Variants in CDK5RAP2 observed in about 807,000 individuals in gnomAD.
The protein encoded by CDK5RAP2 is CDK5 regulatory subunit-associated protein 2.
A neutral mutation model predicts 232.9 loss-of-function variants in CDK5RAP2; 147 were observed. That is an observed-to-expected ratio of 0.63 (90% confidence interval 0.55 to 0.72). The LOEUF is 0.72. Ranked by LOEUF, CDK5RAP2 falls within the 30% of genes least tolerant of loss-of-function variation. The probability of loss-of-function intolerance (pLI) is 0.00; values close to 1 mark genes in which losing one functional copy is unlikely to be tolerated. For synonymous variants in CDK5RAP2, 833 were observed against 833.7 expected, an observed-to-expected ratio of 1.00 and a Z score of 0.01; for missense variants, 2,195 against 2,231.5, an observed-to-expected ratio of 0.98 and a Z score of 0.33.
chr9:120,409,717 C>T (rs2033726544), intron 29 of CDK5RAP2, among the ~76,000 whole-genome samples: 1 of 152,240 alleles, frequency 6.6e-6, no homozygotes, highest in Non-Finnish European at 1.5e-5. Flanking sequence ...CACCTTGAGG[C>T]CCATTCACTC....
In CDK5RAP2 at chr9:120,470,876, A is replaced by G. The variant is rs140130932; in HGVS notation, c.1859-656T>C. ...ATCCACAAACAGTATCTCATTTAAC[A>G]CACACGTGTAAGAGCTGATACATCT... On this transcript the variant is annotated intron_variant, in intron 16 of 37. Transcript: ENST00000349780. 3.3e-3 allele frequency among the ~76,000 whole-genome samples: 510 copies of G among 152,314 alleles called. 2 individuals are homozygous for G. The highest frequency in any genetic ancestry group is 0.012 in the African/African-American group (481 of 41,576).
chr9:120,426,652 T>C (rs1013260531), intron 25 of CDK5RAP2, among the ~76,000 whole-genome samples: 1 of 152,196 alleles, frequency 6.6e-6, no homozygotes, highest in African/African-American at 2.4e-5. Context: ...AGCCAATCTC[T>C]TCAGGATCAG....
chr9:120,578,996 G>A (rs574057700), intron 1 of CDK5RAP2, among the ~76,000 whole-genome samples: 200 of 152,214 alleles, frequency 1.3e-3, no homozygotes, highest in African/African-American at 4.7e-3. Flanking sequence ...CTCCGTCAGG[G>A]CTCTCCTCCT....
At chr9:120,416,874 C>T (rs2034253854) in intron 27 of CDK5RAP2, among the ~76,000 whole-genome samples, 2 of 152,232 alleles carry the variant, frequency 1.3e-5, no homozygotes, top group Non-Finnish European at 2.9e-5. Context: ...AAAAGTAGCA[C>T]AGTGTTACAG....
At chr9:120,428,975 T>C (rs1276202766) in intron 25 of CDK5RAP2, among the ~76,000 whole-genome samples, 1 of 151,848 alleles carries the variant, frequency 6.6e-6, no homozygotes, top group Admixed American at 6.6e-5. Context: ...ATAAATGTAA[T>C]CCAGCATATA....
intron 25 of CDK5RAP2, among the ~76,000 whole-genome samples, chr9:120,430,947 T>G (rs1322014632): frequency 6.6e-6 from 1 of 152,094 alleles, no homozygotes; most frequent in Non-Finnish European, 1.5e-5. Flanking sequence ...AAATGATGAG[T>G]TCATGTCCTT....
chr9:120,518,240 A>C (rs991555181), intron 12 of CDK5RAP2, among the ~76,000 whole-genome samples, 187 bp downstream of exon 12: 15 of 148,202 alleles, frequency 1.0e-4, no homozygotes, highest in South Asian at 4.3e-4. Flanking sequence ...AGAGAGAGAG[A>C]GAGCGAGGAG....
At chr9:120,438,362 A>T (rs1263713984) in intron 24 of CDK5RAP2, among the ~76,000 whole-genome samples, 2 of 152,212 alleles carry the variant, frequency 1.3e-5, no homozygotes, top group Non-Finnish European at 2.9e-5. Flanking sequence ...ACAACACTAC[A>T]TGGGCTGGCA....
intron 5 of CDK5RAP2, 108 bp downstream of exon 5, chr9:120,545,606 C>T (rs2041808364): frequency 1.2e-6 from 1 of 857,366 alleles, no homozygotes. Context: ...CCTTGCAGTC[C>T]TCAGAGTCCA....
chr9:120,458,689 G>A (rs2036921504), intron 19 of CDK5RAP2, 67 bp from the exon 20 acceptor site: 2 of 1,439,650 alleles, frequency 1.4e-6, no homozygotes, highest in Non-Finnish European at 2.0e-6. Flanking sequence ...GTGGAGAGAG[G>A]ATGGAGATGC....
chr9:120,490,959 A>C (rs903904324), intron 13 of CDK5RAP2, among the ~76,000 whole-genome samples: 7 of 152,230 alleles, frequency 4.6e-5, no homozygotes, highest in Non-Finnish European at 8.8e-5. Context: ...GAGAAAAAGT[A>C]CAGGGGAATG....
chr9:120,495,940 C>T (rs1404253675), intron 12 of CDK5RAP2, among the ~76,000 whole-genome samples: 48 of 121,136 alleles, frequency 4.0e-4, no homozygotes, highest in African/African-American at 1.5e-3. Flanking sequence ...GGGGGGTCAG[C>T]CCCCCCACCC....
chr9:120,395,132 T>C (rs1205979762), intron 35 of CDK5RAP2, among the ~76,000 whole-genome samples: 1 of 152,158 alleles, frequency 6.6e-6, no homozygotes, highest in Admixed American at 6.5e-5. Context: ...CTCTATGCAT[T>C]GATATCAAAA....
At chr9:120,473,510 C>G (rs530857039) in intron 15 of CDK5RAP2, among the ~76,000 whole-genome samples, 2 of 152,336 alleles carry the variant, frequency 1.3e-5, no homozygotes, top group East Asian at 3.9e-4. Context: ...CTCCATCCAT[C>G]GGACTGCACA....
chr9:120,411,257 A>G (rs2033826782), intron 29 of CDK5RAP2, 101 bp downstream of exon 29: 13 of 786,776 alleles, frequency 1.7e-5, no homozygotes, highest in Non-Finnish European at 3.0e-5. Context: ...ACAGAGCCAC[A>G]GGATTCATAC....
chr9:120,433,515 A>G (rs561393831), intron 25 of CDK5RAP2, among the ~76,000 whole-genome samples: 121 of 152,358 alleles, frequency 7.9e-4, no homozygotes, highest in Non-Finnish European at 6.8e-4. Context: ...TAAATTTCCC[A>G]AGGTACACAG....
rs566572713 is a variant in CDK5RAP2, at chr9:120,568,806, C to T, written c.128-418G>A. 5.3e-5 allele frequency among the ~76,000 whole-genome samples: 8 copies of T among 152,230 alleles called. 1 individual carries two copies. In the South Asian group the frequency reaches 1.7e-3, roughly 32 times the overall value. ...TTAAAACGCCAGACAATATTTTAGG[C>T]TTTGTGGGCCATACACAAAGCCTAA... On this transcript the variant is annotated intron_variant, in intron 2 of 37. Coordinates refer to ENST00000349780, the MANE Select transcript of CDK5RAP2 (RefSeq NM_018249.6).
In CDK5RAP2 at chr9:120,409,207, C is replaced by A. The variant is rs1466889041; in HGVS notation, c.4524G>T (p.Leu1508=). The change falls in exon 30 of 38, where the codon CTG becomes CTT. Residue 1508 remains leucine (L), a synonymous_variant. Transcript: ENST00000349780. ...YASVKEENER[L]QKEGSEKERH... The stretch of plus-strand genomic sequence containing the variant: ...TCTCCTTCTCGCTGCCTTCTTTCTG[C>A]AGCCTTTCATTTTCTTCCTTCACGC... The A allele has an allele frequency of 6.2e-7, 1 of 1,614,130 alleles. No homozygotes were observed. The highest frequency in any genetic ancestry group is 8.5e-7 in the Non-Finnish European group (1 of 1,180,036).
At chr9:120,454,496 G>C in intron 20 of CDK5RAP2, among the ~76,000 whole-genome samples, 1 of 152,190 alleles carries the variant, frequency 6.6e-6, no homozygotes, top group Non-Finnish European at 1.5e-5. Flanking sequence ...TCCTCCACAA[G>C]ACAGCTATGA....
Sources: allele counts gnomAD v4.1 joint callset (sites outside exome capture counted in the v4.1 genomes callset), GRCh38; gene constraint gnomAD v4.1.1; transcripts MANE v1.5; gene names NCBI Gene and HGNC (gene_info 2026-07-23, HGNC 2026-07-21).